The following CAMTA2 variants were observed in gnomAD, a reference collection of about 807,000 sequenced individuals.
The protein encoded by CAMTA2 is calmodulin-binding transcription activator 2.
In CAMTA2, 56 loss-of-function variants were observed where a neutral mutation model predicts 135.7. The observed-to-expected ratio is 0.41, with a 90% CI of 0.33 to 0.52. The LOEUF (loss-of-function observed/expected upper bound fraction) is 0.52, where lower values mean the gene tolerates loss of function less well. Ranked by LOEUF, CAMTA2 falls within the 20% of genes least tolerant of loss-of-function variation. The pLI is 0.16. For missense variants in CAMTA2, 1,358 were observed against 1,553.4 expected (o/e 0.87, Z 2.11); for synonymous variants, 591 against 604.6 (o/e 0.98, Z 0.33).
At position 4,982,861 on chromosome 17, in the gene CAMTA2, G is replaced by T; in HGVS notation, c.235C>A (p.Arg79Ser). ...PQNGSIILYNRKKVKYRKDGY... is the reference protein window; with the variant it reads ...PQNGSIILYNSKKVKYRKDGY... ...TCCTTCCGATATTTCACCTTCTTGC[G>T]ATTGTAGAGGATGATGGAGCCATTC... is the stretch of plus-strand genomic sequence containing the variant. Residue 79 changes from arginine (R) to serine (S), a missense_variant, in exon 5 of 23, where the codon CGC becomes AGC. Transcript: ENST00000348066. 6.2e-7 allele frequency: 1 copy of T among 1,614,116 alleles called. No individual in the cohort carries two copies. The highest frequency in any genetic ancestry group is 8.5e-7 in the Non-Finnish European group (1 of 1,180,020).
In CAMTA2 at chr17:4,969,071, C is replaced by T; in HGVS notation, c.3470+79G>A. 6.3e-7 allele frequency: 1 copy of T among 1,580,914 alleles called. No homozygotes were observed. The highest frequency in any genetic ancestry group is 8.6e-7 in the Non-Finnish European group (1 of 1,156,250). On this transcript the variant is annotated intron_variant, in intron 21 of 22. Transcript: ENST00000348066. This position sits in a 1 kb window ranked among gnomAD's most constrained non-coding sequence, Gnocchi z 5.6. ...CCCTAGGCAGGGAATGGCAGTGAGG[C>T]ATGATGATCAAGAGGATGAGTAAGG... is the stretch of plus-strand genomic sequence containing the variant.
Position 4,968,835 on chromosome 17 carries a change from T to TAG in CAMTA2, c.3546-18_3546-17dup, listed in dbSNP as rs1972075854. ...TTCCCTCATCCTGCAGAGAGAAAGA[T>TAG]AGGAGTCAGAGGAGACTGGCGGATC... is the stretch of plus-strand genomic sequence containing the variant. On this transcript the variant is annotated splice_polypyrimidine_tract_variant and intron_variant, in intron 22 of 22. Coordinates refer to ENST00000348066, the MANE Select transcript of CAMTA2 (RefSeq NM_015099.4). 1.2e-6 allele frequency: 2 copies of TAG among 1,613,212 alleles called. No homozygotes were observed. Among genetic ancestry groups the TAG allele is most frequent in the Non-Finnish European group, 1.7e-6 (2 of 1,179,394 alleles).
rs771541548 is a variant in CAMTA2 at position 4,968,681 on chromosome 17, C to A, written c.*75G>T. 8.4e-6 allele frequency: 13 copies of A among 1,556,208 alleles called. No individual in the cohort carries two copies. Among genetic ancestry groups the A allele is most frequent in the Admixed American group, 1.7e-5 (1 of 59,434 alleles). On this transcript the variant is annotated 3_prime_UTR_variant, in exon 23 of 23. Transcript: ENST00000348066. ...AGGAAAGCTGCCGACAGGGGCTCCCCCTGCCCCAGAAAGCCCTCTCCCTGT... is the reference window on the plus strand; with the variant it reads ...AGGAAAGCTGCCGACAGGGGCTCCCACTGCCCCAGAAAGCCCTCTCCCTGT...
In CAMTA2 at chr17:4,969,439, C is replaced by T; in HGVS notation, c.3282+61G>A. 5 of 1,609,928 alleles carry T rather than the reference C, an allele frequency of 3.1e-6. No individual in the cohort carries two copies. The highest frequency in any genetic ancestry group is 4.3e-6 in the Non-Finnish European group (5 of 1,176,198). ...GGCTGATGCAAGACTCTCTGTAACC[C>T]ACACACTCAAGGAAAGACTGAATCA... On this transcript the variant is annotated intron_variant, in intron 20 of 22. Transcript: ENST00000348066. The surrounding 1 kb of genome is among the most constrained non-coding windows in gnomAD (Gnocchi z 5.6).
chr17:4,985,173 C>T (rs559429177), intron 3 of CAMTA2, among the ~76,000 whole-genome samples: 9 of 152,072 alleles, frequency 5.9e-5, no homozygotes, highest in South Asian at 2.1e-4. Flanking sequence ...GCAACAAGAG[C>T]GAGACTCCGT....
Position 4,980,688 on chromosome 17 carries a change from G to A in CAMTA2, c.701-67C>T, listed in dbSNP as rs758774749. 7 of 1,259,868 alleles carry A rather than the reference G, an allele frequency of 5.6e-6. No individual in the cohort carries two copies. Among genetic ancestry groups the A allele is most frequent in the Non-Finnish European group, 6.9e-6 (6 of 870,070 alleles). 78.0% of individuals were successfully genotyped at this position (1,259,868 alleles called of 1,614,324 possible). The stretch of plus-strand genomic sequence containing the variant: ...TCATTCCGCACCTTCTCTACCTTGA[G>A]GCCCTTAAAAGTATTTCCTGGGACG... On this transcript the variant is annotated intron_variant, in intron 8 of 22. Coordinates refer to ENST00000348066, the MANE Select transcript of CAMTA2 (RefSeq NM_015099.4). The surrounding 1 kb of genome is among the most constrained non-coding windows in gnomAD (Gnocchi z 5.3).
Position 4,982,148 on chromosome 17 carries a change from A to G in CAMTA2, c.352T>C (p.Cys118Arg). Residue 118 changes from cysteine (C) to arginine (R), a missense_variant, in exon 6 of 23, where the codon TGC becomes CGC. Transcript: ENST00000348066. Reference sequence around the variant, plus strand: ...GGGACGATGGAAGAGTGAACGTAGCAGCCATAGAGACACTGCCAGGAGACA... The same window carrying G: ...GGGACGATGGAAGAGTGAACGTAGCGGCCATAGAGACACTGCCAGGAGACA... ...KVQGMECLYG[C>R]YVHSSIVPTF... is the part of the protein sequence containing the mutation. 1 of 1,363,086 alleles carries G rather than the reference A, an allele frequency of 7.3e-7. No homozygotes were observed. Among genetic ancestry groups the G allele is most frequent in the African/African-American group, 1.5e-5 (1 of 66,628 alleles). 84.4% of individuals were successfully genotyped at this position (1,363,086 alleles called of 1,614,324 possible). A position where few individuals can be genotyped will look rare whatever the true frequency, so the allele number is the denominator to read the frequency against.
chr17:4,971,271 G>A (rs767972903), intron 16 of CAMTA2, among the ~76,000 whole-genome samples: 9 of 152,080 alleles, frequency 5.9e-5, no homozygotes, highest in Non-Finnish European at 8.8e-5. Flanking sequence ...GCTGCCCTCC[G>A]TCATCTTGGT....
At chr17:4,973,021 G>T (rs377012750) in intron 14 of CAMTA2, 30 bp from the exon 15 acceptor site, 1 of 1,584,974 alleles carries the variant, frequency 6.3e-7, no homozygotes, top group Non-Finnish European at 8.6e-7. Flanking sequence ...AGGCGGAGAC[G>T]GAGGTGGAGG....
At position 4,986,002 on chromosome 17, in the gene CAMTA2, G is replaced by A; in HGVS notation, c.32-19C>T. ...CTGTTTTCTAAAGGGAATTAGAAGGGAGGGTTTAGTGTGCTACCCTGGGGC... is the reference window on the plus strand; with the variant it reads ...CTGTTTTCTAAAGGGAATTAGAAGGAAGGGTTTAGTGTGCTACCCTGGGGC... On this transcript the variant is annotated intron_variant, in intron 2 of 22. Coordinates refer to ENST00000348066, the MANE Select transcript of CAMTA2 (RefSeq NM_015099.4). 1 of 1,573,232 alleles carries A rather than the reference G, an allele frequency of 6.4e-7. No individual in the cohort carries two copies. Among genetic ancestry groups the A allele is most frequent in the Non-Finnish European group, 8.8e-7 (1 of 1,142,674 alleles).
intron 10 of CAMTA2, among the ~76,000 whole-genome samples, chr17:4,978,060 C>G (rs1298355490): frequency 2.0e-5 from 3 of 152,216 alleles, no homozygotes; most frequent in African/African-American, 7.2e-5. Flanking sequence ...CCATACTGGA[C>G]AGCACAGTTC....
rs1431954695 is a variant in CAMTA2, at chr17:4,972,869, A to G, written c.2403T>C (p.Gly801=). ...RLPLSVAHSR[G]HVRLARCLEE... ...CAAGGCAGCGGGCAAGGCGCACATGACCCCGGGAATGAGCCACAGACAATG... is the reference window on the plus strand; with the variant it reads ...CAAGGCAGCGGGCAAGGCGCACATGGCCCCGGGAATGAGCCACAGACAATG... The change falls in exon 15 of 23, where the codon GGT becomes GGC. Residue 801 remains glycine (G), a synonymous_variant. Transcript: ENST00000348066. 4 of 1,613,528 alleles carry G rather than the reference A, an allele frequency of 2.5e-6. No individual in the cohort carries two copies. Among genetic ancestry groups the G allele is most frequent in the Non-Finnish European group, 3.4e-6 (4 of 1,179,964 alleles).
At chr17:4,974,759 G>A (rs905518676) in intron 11 of CAMTA2, 2 of 375,718 alleles carry the variant, frequency 5.3e-6, no homozygotes, top group Non-Finnish European at 4.9e-6. Context: ...TACAGAGGTA[G>A]TAGGATTCCC....
At chr17:4,981,422 G>A (rs1972954734) in intron 7 of CAMTA2, 63 bp from the exon 8 acceptor site, 6 of 1,587,728 alleles carry the variant, frequency 3.8e-6, no homozygotes, top group Non-Finnish European at 5.2e-6. Flanking sequence ...GTACCTTGAT[G>A]GCTCCTCCAA....
chr17:4,970,527 T>A lies in CAMTA2; in HGVS notation c.2818A>T (p.Ile940Phe). 1 of 1,610,038 alleles carries A rather than the reference T, an allele frequency of 6.2e-7. No homozygotes were observed. Among genetic ancestry groups the A allele is most frequent in the Non-Finnish European group, 8.5e-7 (1 of 1,179,690 alleles). Residue 940 changes from isoleucine to phenylalanine, a missense_variant, in exon 17 of 23, where the codon ATC (isoleucine) becomes TTC (phenylalanine). By Grantham distance (21) the Ile-to-Phe change is conservative. Coordinates refer to ENST00000348066, the MANE Select transcript of CAMTA2 (RefSeq NM_015099.4). ...TCGATGATCTGCTTGGCTAGTGAGATCATGTCCACCTGGAAGAAGGGAGAA... is the reference window on the plus strand; with the variant it reads ...TCGATGATCTGCTTGGCTAGTGAGAACATGTCCACCTGGAAGAAGGGAGAA... ...QAVDVIPVDM[I>F]SLAKQIIEAT...
At chr17:4,979,497 C>CA (rs1972824207) in intron 9 of CAMTA2, 187 bp downstream of exon 9, 2 of 394,808 alleles carry the variant, frequency 5.1e-6, no homozygotes, top group Non-Finnish European at 8.3e-6. Context: ...GCAACAAGAG[C>CA]GAAACTGTCT....
rs1972043509 is a variant in CAMTA2 at position 4,968,456 on chromosome 17, T to C, written c.*300A>G. ...CAAGTCAGGAGGGGGCCGAGTCGGGTGCAGGCAGGAGGAGCTGGGGAGCAG... is the reference window on the plus strand; with the variant it reads ...CAAGTCAGGAGGGGGCCGAGTCGGGCGCAGGCAGGAGGAGCTGGGGAGCAG... On this transcript the variant is annotated 3_prime_UTR_variant, in exon 23 of 23. Transcript: ENST00000348066. 1.9e-6 allele frequency: 1 copy of C among 525,856 alleles called. No homozygotes were observed. Among genetic ancestry groups the C allele is most frequent in the Admixed American group, 3.3e-5 (1 of 29,936 alleles). The allele number at this position is 525,856 out of a possible 1,614,324, so 32.6% of individuals were successfully genotyped here.
At position 4,972,367 on chromosome 17, in the gene CAMTA2, G is replaced by A; in HGVS notation, c.2673C>T (p.Ala891=). 3 of 1,613,896 alleles carry A rather than the reference G, an allele frequency of 1.9e-6. No individual in the cohort carries two copies. The highest frequency in any genetic ancestry group is 2.5e-6 in the Non-Finnish European group (3 of 1,179,852). Residue 891 remains alanine (A), a synonymous_variant, in exon 16 of 23, where the codon GCC becomes GCT. Transcript: ENST00000348066. ...CCTCATAGTCCATGAGGAGTAGGGG[G>A]GCTTCTGGGACACCAGAGGAAAGCT... ...PGQLSSGVPE[A]PLLLMDYEAT...
rs1597763291 is a variant in CAMTA2 at position 4,980,448 on chromosome 17, A to G, written c.874T>C (p.Ser292Pro). ...CCTGATGAGGAGGAAGAAGAGGAAG[A>G]AGATGGGGAGGTGTGTGCCTTGGGG... ...ELPKAHTSPS[S>P]SSSSSSSGFA... is the part of the protein sequence containing the mutation. The change falls in exon 9 of 23, where the codon TCT becomes CCT. Residue 292 changes from serine (S) to proline (P), a missense_variant. This residue lies in a region of CAMTA2 where 1,077 missense variants were observed against 1,127.5 expected (regional missense o/e 0.96). Transcript: ENST00000348066. The surrounding 1 kb of genome is among the most constrained non-coding windows in gnomAD (Gnocchi z 5.3). The G allele has an allele frequency of 6.2e-7, 1 of 1,611,736 alleles. No homozygotes were observed. The highest frequency in any genetic ancestry group is 1.7e-4 in the Middle Eastern group (1 of 6,050).
Sources: allele counts gnomAD v4.1 joint callset (sites outside exome capture counted in the v4.1 genomes callset), GRCh38; gene constraint gnomAD v4.1.1; regional missense constraint gnomAD v4.1.1; non-coding constraint Gnocchi (gnomAD v3.1); transcripts MANE v1.5; gene names NCBI Gene and HGNC (gene_info 2026-07-23, HGNC 2026-07-21).